UBXN7: variants seen among roughly 807,000 people sequenced by gnomAD.
The protein encoded by UBXN7 is UBX domain protein 7.
Under a neutral mutation model 58.0 loss-of-function variants are expected in UBXN7, and 9 were observed. The ratio of observed to expected loss-of-function variants is 0.16; its 90% confidence interval spans 0.09 to 0.27. The LOEUF (loss-of-function observed/expected upper bound fraction) is 0.27, where lower values mean the gene tolerates loss of function less well. UBXN7 is among the 10% of genes least tolerant of loss of function. UBXN7 has a pLI of 1.00. For synonymous variants in UBXN7, 208 were observed against 205.0 expected (o/e 1.01, Z -0.12); for missense variants, 328 against 599.6 (o/e 0.55, Z 4.73).
intron 5 of UBXN7, among the ~76,000 whole-genome samples, chr3:196,373,516 T>C (rs1162128629): frequency 6.6e-6 from 1 of 152,202 alleles, no homozygotes; most frequent in Non-Finnish European, 1.5e-5. Flanking sequence ...TAGAACAGTA[T>C]TCTTTTCCAA....
At chr3:196,419,296 A>T (rs1402688395) in intron 1 of UBXN7, among the ~76,000 whole-genome samples, 1 of 142,116 alleles carries the variant, frequency 7.0e-6, no homozygotes, top group Admixed American at 6.8e-5. Context: ...AATAAATTAA[A>T]TAAATAAATA....
rs79570198 is a variant in UBXN7, at chr3:196,413,726, C to T, written c.74-6333G>A. Among the ~76,000 whole-genome samples, 863 of 152,230 alleles carry T rather than the reference C, an allele frequency of 5.7e-3. 9 individuals are homozygous for T. The highest frequency in any genetic ancestry group is 0.02 in the African/African-American group (825 of 41,536). On this transcript the variant is annotated intron_variant, in intron 1 of 10. Transcript: ENST00000296328. ...AATTACTGTATCTCACACCTCATGG[C>T]CCCCTTTGATATAGTCATCCCTCCA...
rs1313285024 is a variant in UBXN7 at position 196,352,235 on chromosome 3, G to A, written c.*4450C>T. On this transcript the variant is annotated 3_prime_UTR_variant, in exon 11 of 11. Transcript: ENST00000296328. This position sits in a 1 kb window ranked among gnomAD's most constrained non-coding sequence, Gnocchi z 4.1. ...TGTGTCTCTCTAACTGGATAAAACA[G>A]GCAGGAATCATATCTTATTTATTAT... 1 of 152,066 alleles carries A rather than the reference G, an allele frequency of 6.6e-6. No homozygotes were observed. The highest frequency in any genetic ancestry group is 1.5e-5 in the Non-Finnish European group (1 of 68,028). The allele number at this position is 152,066 out of a possible 1,614,324, so 9.4% of individuals were successfully genotyped here. A position where few individuals can be genotyped will look rare whatever the true frequency, so the allele number is the denominator to read the frequency against.
In UBXN7 at chr3:196,353,844, A is replaced by C; in HGVS notation, c.*2841T>G. The C allele has an allele frequency of 6.7e-6, 1 of 150,134 alleles. No homozygotes were observed. The allele number at this position is 150,134 out of a possible 1,614,324, so 9.3% of individuals were successfully genotyped here. A position where few individuals can be genotyped will look rare whatever the true frequency, so the allele number is the denominator to read the frequency against. On this transcript the variant is annotated 3_prime_UTR_variant, in exon 11 of 11. Coordinates refer to ENST00000296328, the MANE Select transcript of UBXN7 (RefSeq NM_015562.2). Reference sequence around the variant, plus strand: ...TTTTCTCTTATCACTCTCGAAGTCTATCTTTCTTGTTCTTTTCCTCCCTAG... The same window carrying C: ...TTTTCTCTTATCACTCTCGAAGTCTCTCTTTCTTGTTCTTTTCCTCCCTAG...
intron 3 of UBXN7, 66 bp from the exon 4 acceptor site, chr3:196,393,685 C>T: frequency 2.7e-6 from 4 of 1,483,208 alleles, no homozygotes; most frequent in Admixed American, 3.8e-5. Flanking sequence ...TAAAAATGTC[C>T]TTATCTAAAA....
chr3:196,404,997 T>A (rs934752002), intron 2 of UBXN7, among the ~76,000 whole-genome samples: 2 of 152,004 alleles, frequency 1.3e-5, no homozygotes, highest in South Asian at 4.2e-4. Context: ...TTACAAAAAA[T>A]ACAAAAATTA....
intron 10 of UBXN7, among the ~76,000 whole-genome samples, chr3:196,358,749 AC>A (rs1432349484): frequency 6.6e-6 from 1 of 152,064 alleles, no homozygotes; most frequent in Non-Finnish European, 1.5e-5. Flanking sequence ...AAAACAACCA[AC>A]CAACCAACAA....
At chr3:196,391,776 G>A in intron 5 of UBXN7, 37 bp downstream of exon 5, 1 of 1,480,288 alleles carries the variant, frequency 6.8e-7, no homozygotes, top group Non-Finnish European at 9.3e-7. Context: ...AATGCAAAAG[G>A]ATTCATAGTT....
At chr3:196,385,928 G>A (rs866456321) in intron 5 of UBXN7, among the ~76,000 whole-genome samples, 57 of 152,318 alleles carry the variant, frequency 3.7e-4, no homozygotes, top group South Asian at 6.2e-4. Flanking sequence ...TGGTTTTGTC[G>A]AATAGAAGGG....
At chr3:196,429,745 A>T (rs1391339054) in intron 1 of UBXN7, among the ~76,000 whole-genome samples, 1 of 152,234 alleles carries the variant, frequency 6.6e-6, no homozygotes. Context: ...ACGGTTAATC[A>T]CTATCTTGTA....
intron 1 of UBXN7, chr3:196,423,568 G>A (rs1730753748): frequency 6.2e-6 from 1 of 160,328 alleles, no homozygotes; most frequent in Non-Finnish European, 1.4e-5. Context: ...ATGGAAGAGT[G>A]GGGACATGGC....
rs184459194 is a variant in UBXN7 at position 196,421,426 on chromosome 3, G to C, written c.73+10901C>G. Among the ~76,000 whole-genome samples the C allele has an allele frequency of 2.6e-5, 4 of 152,304 alleles. No individual in the cohort carries two copies. In the East Asian group the frequency reaches 5.8e-4, roughly 22 times the overall value. On this transcript the variant is annotated intron_variant, in intron 1 of 10. Transcript: ENST00000296328. ...CAGAAACGTTTACAGCAATTTGAGA[G>C]AGTAATTTTATGTCTGTTGAATCTC...
At chr3:196,423,352 G>T in intron 1 of UBXN7, 1 of 171,090 alleles carries the variant, frequency 5.8e-6, no homozygotes. Flanking sequence ...CAACAAGCCG[G>T]TCCCTGAGAG....
intron 1 of UBXN7, among the ~76,000 whole-genome samples, chr3:196,423,011 T>G (rs1730735271): frequency 6.6e-6 from 1 of 152,208 alleles, no homozygotes; most frequent in East Asian, 1.9e-4. Flanking sequence ...GGTTACATAT[T>G]GTGATTACAC....
intron 5 of UBXN7, among the ~76,000 whole-genome samples, chr3:196,382,348 A>G (rs1357043476): frequency 1.3e-5 from 2 of 152,214 alleles, no homozygotes; most frequent in African/African-American, 4.8e-5. Context: ...ATTCTTAAAG[A>G]AAAGAATTTT....
chr3:196,391,770 C>G, intron 5 of UBXN7, 43 bp downstream of exon 5: 1 of 1,464,064 alleles, frequency 6.8e-7, no homozygotes, highest in Non-Finnish European at 9.4e-7. Context: ...ATTGAAAATG[C>G]AAAAGGATTC....
chr3:196,416,163 T>C, intron 1 of UBXN7: 1 of 152,262 alleles, frequency 6.6e-6, no homozygotes, highest in Non-Finnish European at 1.5e-5. Flanking sequence ...TTACACCGGG[T>C]GCGGTGGCTC....
chr3:196,386,613 T>C (rs539930558), intron 5 of UBXN7, among the ~76,000 whole-genome samples: 2 of 152,264 alleles, frequency 1.3e-5, no homozygotes, highest in African/African-American at 4.8e-5. Context: ...CCATTCACAA[T>C]TGCTACAAAG....
At chr3:196,418,875 T>C (rs906306515) in intron 1 of UBXN7, among the ~76,000 whole-genome samples, 3 of 152,230 alleles carry the variant, frequency 2.0e-5, no homozygotes, top group African/African-American at 2.4e-5. Flanking sequence ...AGGGAAAGAC[T>C]ACTTTGCCAT....
Sources: gnomAD v4.1 joint callset for allele counts (sites outside exome capture counted in the v4.1 genomes callset) on GRCh38, gnomAD v4.1.1 for gene constraint, Gnocchi (gnomAD v3.1) non-coding constraint, MANE v1.5 for transcripts, NCBI Gene and HGNC (gene_info 2026-07-23, HGNC 2026-07-21) for gene names.